Variants in NTM observed in about 807,000 individuals in gnomAD.
NTM encodes the protein neurotrimin.
In NTM, 13 loss-of-function variants were observed where a neutral mutation model predicts 42.1. The observed-to-expected ratio is 0.31, with a 90% CI of 0.20 to 0.49. The LOEUF is 0.49. Ranked by LOEUF, NTM falls within the 20% of genes least tolerant of loss-of-function variation. NTM has a pLI of 0.99. For missense variants in NTM, 373 were observed against 452.8 expected, an observed-to-expected ratio of 0.82 and a Z score of 1.60; for synonymous variants, 187 against 179.2, an observed-to-expected ratio of 1.04 and a Z score of -0.35.
At chr11:132,263,516 G>T (rs2092997750) in intron 4 of NTM, among the ~76,000 whole-genome samples, 1 of 152,194 alleles carries the variant, frequency 6.6e-6, no homozygotes, top group Admixed American at 6.5e-5. Context: ...CGCCCTTAGT[G>T]TTCTTTCTTT....
chr11:131,374,164 G>A (rs576277789), intron 1 of NTM, among the ~76,000 whole-genome samples: 7 of 152,344 alleles, frequency 4.6e-5, no homozygotes, highest in Non-Finnish European at 7.3e-5. Context: ...AGGGGAGGGC[G>A]TCAGGGAGCC....
intron 4 of NTM, among the ~76,000 whole-genome samples, chr11:132,236,495 G>C (rs1455041268): frequency 1.3e-5 from 2 of 152,098 alleles, no homozygotes; most frequent in African/African-American, 4.8e-5. Context: ...TCTAAAAGTG[G>C]GACGGCATAA....
chr11:131,591,028 G>T (rs1430268654), intron 1 of NTM, among the ~76,000 whole-genome samples: 4 of 152,214 alleles, frequency 2.6e-5, no homozygotes, highest in African/African-American at 4.8e-5. Flanking sequence ...AAGCAGGCTG[G>T]ATGAACCAAA....
intron 3 of NTM, among the ~76,000 whole-genome samples, chr11:132,153,786 CAG>C (rs1195220303): frequency 6.6e-6 from 1 of 152,150 alleles, no homozygotes; most frequent in Non-Finnish European, 1.5e-5. Context: ...AAGATTCAGA[CAG>C]AGCTCCTGCC....
chr11:131,554,699 G>C (rs2055165633), intron 1 of NTM, among the ~76,000 whole-genome samples: 1 of 152,130 alleles, frequency 6.6e-6, no homozygotes, highest in Non-Finnish European at 1.5e-5. Context: ...GGTTCAAATT[G>C]TATATTAGCA....
In NTM at chr11:132,004,448, C is replaced by T. The variant is rs137878175; in HGVS notation, c.167+92800C>T. On this transcript the variant is annotated intron_variant, in intron 2 of 8. Coordinates refer to ENST00000683400, the MANE Select transcript of NTM (RefSeq NM_001352005.2). Reference sequence around the variant, plus strand: ...CCTGTGGTTCATCTTTGAAAGATCTCTCTTCTCTTGTCTGGTTAACTTCCT... The same window carrying T: ...CCTGTGGTTCATCTTTGAAAGATCTTTCTTCTCTTGTCTGGTTAACTTCCT... Among the ~76,000 whole-genome samples the T allele has an allele frequency of 1.7e-4, 26 of 152,244 alleles. No individual in the cohort carries two copies. The East Asian group carries it at 5.0e-3, about 29-fold the overall frequency.
chr11:131,739,950 C>A (rs1414518850), intron 1 of NTM, among the ~76,000 whole-genome samples: 1 of 152,226 alleles, frequency 6.6e-6, no homozygotes, highest in East Asian at 1.9e-4. Context: ...CAGTCTCTTA[C>A]ACCCAGGAGT....
intron 2 of NTM, among the ~76,000 whole-genome samples, chr11:131,964,112 C>G (rs1237241339): frequency 6.6e-6 from 1 of 151,960 alleles, no homozygotes; most frequent in Non-Finnish European, 1.5e-5. Context: ...AAAGGGCTGC[C>G]CAGAAGAAGA....
At chr11:132,158,012 TG>T (rs1282564870) in intron 3 of NTM, among the ~76,000 whole-genome samples, 1 of 152,210 alleles carries the variant, frequency 6.6e-6, no homozygotes, top group African/African-American at 2.4e-5. Flanking sequence ...TCTACCTAAC[TG>T]GCCTGCTTTT....
intron 3 of NTM, among the ~76,000 whole-genome samples, chr11:132,162,819 T>G (rs574895716): frequency 1.3e-5 from 2 of 151,606 alleles, no homozygotes; most frequent in South Asian, 4.2e-4. Context: ...AGTGTGTATG[T>G]GATCTTGTGT....
chr11:131,998,929 TG>T (rs1353235033), intron 2 of NTM, among the ~76,000 whole-genome samples: 3 of 152,168 alleles, frequency 2.0e-5, no homozygotes, highest in African/African-American at 7.2e-5. Flanking sequence ...TAGGAGCTTG[TG>T]GCTCAAATAT....
intron 1 of NTM, among the ~76,000 whole-genome samples, chr11:131,559,846 G>A (rs2055991260): frequency 1.3e-5 from 2 of 152,068 alleles, no homozygotes; most frequent in Admixed American, 1.3e-4. Flanking sequence ...TTAAGACTTG[G>A]CCTTAAAGTG....
At chr11:131,943,802 C>A (rs1392548517) in intron 2 of NTM, among the ~76,000 whole-genome samples, 1 of 152,150 alleles carries the variant, frequency 6.6e-6, no homozygotes, top group Non-Finnish European at 1.5e-5. Context: ...CTTCAAAATG[C>A]AGATAATCAA....
At chr11:131,996,193 C>T (rs2067984578) in intron 2 of NTM, among the ~76,000 whole-genome samples, 1 of 152,050 alleles carries the variant, frequency 6.6e-6, no homozygotes. Flanking sequence ...CATGATCAAT[C>T]TGTGTTTTAA....
intron 1 of NTM, among the ~76,000 whole-genome samples, chr11:131,655,331 T>G (rs2067041827): frequency 1.3e-5 from 2 of 152,260 alleles, no homozygotes; most frequent in South Asian, 4.1e-4. Context: ...CTTTGTGTTT[T>G]CTGGAATTCT....
chr11:131,811,562 C>T (rs770732265), intron 1 of NTM, among the ~76,000 whole-genome samples: 6 of 152,174 alleles, frequency 3.9e-5, no homozygotes, highest in Non-Finnish European at 8.8e-5. Context: ...GCAGGGAGGG[C>T]TGCAGAGCAA....
At chr11:131,846,580 T>C (rs572422792) in intron 1 of NTM, among the ~76,000 whole-genome samples, 4 of 152,322 alleles carry the variant, frequency 2.6e-5, no homozygotes, top group Non-Finnish European at 5.9e-5. Context: ...TTTAAAATTA[T>C]TGTTTGTATT....
At chr11:131,596,547 T>C (rs1049015710) in intron 1 of NTM, among the ~76,000 whole-genome samples, 9 of 152,200 alleles carry the variant, frequency 5.9e-5, no homozygotes, top group Admixed American at 5.2e-4. Context: ...CCTCATGCCA[T>C]CCCCTCTCTA....
chr11:131,805,481 G>A (rs1162120424), intron 1 of NTM, among the ~76,000 whole-genome samples: 1 of 152,116 alleles, frequency 6.6e-6, no homozygotes, highest in Non-Finnish European at 1.5e-5. Context: ...ATGATTTACT[G>A]TTATCCGATT....
Sources: gnomAD v4.1 joint callset for allele counts (sites outside exome capture counted in the v4.1 genomes callset) on GRCh38, gnomAD v4.1.1 for gene constraint, MANE v1.5 for transcripts, NCBI Gene and HGNC (gene_info 2026-07-23, HGNC 2026-07-21) for gene names.